The following TEK variants were observed in gnomAD, a reference collection of about 807,000 sequenced individuals.
TEK encodes angiopoietin-1 receptor.
Under a neutral mutation model 131.8 loss-of-function variants are expected in TEK, and 43 were observed. The observed-to-expected ratio is 0.33, with a 90% CI of 0.26 to 0.42. The LOEUF (loss-of-function observed/expected upper bound fraction) is 0.42, where lower values mean the gene tolerates loss of function less well. TEK is among the 10% of genes least tolerant of loss of function. TEK has a pLI of 1.00. For missense variants in TEK, 1,162 were observed against 1,384.4 expected, an observed-to-expected ratio of 0.84 and a Z score of 2.55; for synonymous variants, 580 against 491.6, an observed-to-expected ratio of 1.18 and a Z score of -2.38.
chr9:27,183,033 G>T (rs1824449217), intron 7 of TEK, among the ~76,000 whole-genome samples: 1 of 152,222 alleles, frequency 6.6e-6, no homozygotes, highest in South Asian at 2.1e-4. Context: ...ATACCATGGG[G>T]TTATTTGATG....
intron 10 of TEK, 32 bp downstream of exon 10, chr9:27,190,722 G>C: frequency 1.9e-6 from 3 of 1,612,926 alleles, no homozygotes; most frequent in Non-Finnish European, 2.5e-6. Context: ...TGCCAGCTGG[G>C]GATGTGGCAC....
chr9:27,126,075 A>G (rs1017272290), intron 1 of TEK, among the ~76,000 whole-genome samples: 3 of 152,210 alleles, frequency 2.0e-5, no homozygotes, highest in Admixed American at 2.0e-4. Flanking sequence ...ACACGAGGTT[A>G]GGGTCACTGC....
intron 21 of TEK, among the ~76,000 whole-genome samples, chr9:27,226,093 G>A (rs1254724661): frequency 6.6e-6 from 1 of 152,240 alleles, no homozygotes; most frequent in Non-Finnish European, 1.5e-5. Flanking sequence ...AGATGCTGGA[G>A]AGGATGTGGA....
At chr9:27,117,282 G>A (rs1033911929) in intron 1 of TEK, among the ~76,000 whole-genome samples, 1 of 152,212 alleles carries the variant, frequency 6.6e-6, no homozygotes, top group African/African-American at 2.4e-5. Flanking sequence ...TGCACCGGCA[G>A]CATCACCAAA....
intron 1 of TEK, among the ~76,000 whole-genome samples, chr9:27,156,682 CT>C (rs1823344215): frequency 1.3e-5 from 2 of 152,084 alleles, no homozygotes; most frequent in Admixed American, 1.3e-4. Flanking sequence ...GCCTTCATTT[CT>C]TCATATTTAA....
At chr9:27,169,380 G>A in intron 3 of TEK, 97 bp from the exon 4 acceptor site, 1 of 1,527,608 alleles carries the variant, frequency 6.5e-7, no homozygotes, top group Non-Finnish European at 9.0e-7. Flanking sequence ...ACATTTTCTT[G>A]ACCATGTCAG....
Position 27,118,676 on chromosome 9 carries a change from G to A in TEK, c.52+9034G>A, listed in dbSNP as rs56191848. On this transcript the variant is annotated intron_variant, in intron 1 of 22. Transcript: ENST00000380036. ...AAAATGGCGGCCATCCATTATTTTG[G>A]ATGCCTAACATTTCAAACTTTCAAG... Among the ~76,000 whole-genome samples the A allele has an allele frequency of 8.8e-3, 1,334 of 152,206 alleles. 25 individuals are homozygous for A. The highest frequency in any genetic ancestry group is 0.03 in the African/African-American group (1,262 of 41,532).
At chr9:27,194,769 GTTC>G (rs1564089553) in intron 11 of TEK, among the ~76,000 whole-genome samples, 1 of 152,098 alleles carries the variant, frequency 6.6e-6, no homozygotes, top group Non-Finnish European at 1.5e-5. Context: ...ATTATTGAAG[GTTC>G]TTCTTTTCCC....
intron 19 of TEK, among the ~76,000 whole-genome samples, chr9:27,218,079 T>C (rs1010136443): frequency 7.7e-5 from 11 of 142,944 alleles, no homozygotes. Context: ...CAGACCTAGA[T>C]CAGAGGAAGC....
At chr9:27,125,483 T>C (rs925481943) in intron 1 of TEK, among the ~76,000 whole-genome samples, 2 of 152,182 alleles carry the variant, frequency 1.3e-5, no homozygotes, top group Non-Finnish European at 2.9e-5. Flanking sequence ...TAGAGATCTT[T>C]CTAATGAAAC....
chr9:27,129,975 G>A (rs1029697279), intron 1 of TEK, among the ~76,000 whole-genome samples: 5 of 152,064 alleles, frequency 3.3e-5, no homozygotes, highest in African/African-American at 9.7e-5. Flanking sequence ...TTCATAATTC[G>A]TATCACATAA....
At chr9:27,220,534 G>C (rs1259579663) in intron 21 of TEK, among the ~76,000 whole-genome samples, 1 of 152,184 alleles carries the variant, frequency 6.6e-6, no homozygotes, top group African/African-American at 2.4e-5. Context: ...AATAGGAACA[G>C]CTCCAGTGTG....
intron 1 of TEK, among the ~76,000 whole-genome samples, chr9:27,133,974 T>G (rs1413813887): frequency 6.6e-6 from 1 of 152,188 alleles, no homozygotes; most frequent in African/African-American, 2.4e-5. Flanking sequence ...GCCAAGCCAA[T>G]AGTCGTTAGA....
At position 27,148,934 on chromosome 9, in the gene TEK, A is replaced by G. The variant is rs74723863; in HGVS notation, c.53-8897A>G. On this transcript the variant is annotated intron_variant, in intron 1 of 22. Coordinates refer to ENST00000380036, the MANE Select transcript of TEK (RefSeq NM_000459.5). Reference sequence around the variant, plus strand: ...ATAGAAGGTTTTGGCTTTTTCTGTGATAAAATCTATCAGTGTTTTTTCTTC... The same window carrying G: ...ATAGAAGGTTTTGGCTTTTTCTGTGGTAAAATCTATCAGTGTTTTTTCTTC... 9.3e-3 allele frequency among the ~76,000 whole-genome samples: 1,412 copies of G among 152,298 alleles called. 10 individuals are homozygous for G. Among genetic ancestry groups the G allele is most frequent in the Non-Finnish European group, 0.016 (1,086 of 68,026 alleles).
chr9:27,183,689 C>G lies in TEK; in HGVS notation c.1182+79C>G, dbSNP rs1824485895. 3.3e-6 allele frequency: 5 copies of G among 1,535,024 alleles called. No homozygotes were observed. In the South Asian group the frequency reaches 4.5e-5, roughly 14 times the overall value. On this transcript the variant is annotated intron_variant, in intron 8 of 22. Coordinates refer to ENST00000380036, the MANE Select transcript of TEK (RefSeq NM_000459.5). ...TAATCACCCCACTAAATGATAGATA[C>G]CATTCAGTGCTTTTATCCTCCTAGG...
rs372461928 is a variant in TEK, at chr9:27,185,605, A to C, written c.1303A>C (p.Lys435Gln). The change falls in exon 9 of 23, where the codon AAG becomes CAG. Residue 435 changes from lysine (K) to glutamine (Q), a missense_variant. Coordinates refer to ENST00000380036, the MANE Select transcript of TEK (RefSeq NM_000459.5). ...GAACACAGTGGCTGGGATGGTGGAAAAGCCCTTCAACATTTCTGTTAAAGG... is the reference window on the plus strand; with the variant it reads ...GAACACAGTGGCTGGGATGGTGGAACAGCCCTTCAACATTTCTGTTAAAGG... ...SVNTVAGMVEKPFNISVKVLP... is the reference protein window; with the variant it reads ...SVNTVAGMVEQPFNISVKVLP... The C allele has an allele frequency of 3.5e-5, 56 of 1,613,676 alleles. No individual in the cohort carries two copies. Among genetic ancestry groups the C allele is most frequent in the Non-Finnish European group, 4.6e-5 (54 of 1,179,768 alleles).
chr9:27,125,168 T>G (rs1207500098), intron 1 of TEK, among the ~76,000 whole-genome samples: 1 of 152,226 alleles, frequency 6.6e-6, no homozygotes, highest in Non-Finnish European at 1.5e-5. Flanking sequence ...GATGTGGAGC[T>G]GGAGCCAGAA....
At chr9:27,136,439 T>C (rs1822439635) in intron 1 of TEK, among the ~76,000 whole-genome samples, 1 of 152,180 alleles carries the variant, frequency 6.6e-6, no homozygotes, top group Non-Finnish European at 1.5e-5. Context: ...GACTTTACTT[T>C]AATTCACTCA....
rs192178823 is a variant in TEK at position 27,193,406 on chromosome 9, G to T, written c.1624+783G>T. On this transcript the variant is annotated intron_variant, in intron 11 of 22. Transcript: ENST00000380036. ...TAGTAGGTTCCCAAGTGATGCTGCT[G>T]GTCCTGGGTCCACACGTTCTAGATA... is the stretch of plus-strand genomic sequence containing the variant. 2.1e-4 allele frequency among the ~76,000 whole-genome samples: 32 copies of T among 152,174 alleles called. No homozygotes were observed. In the East Asian group the frequency reaches 6.0e-3, roughly 29 times the overall value.
Sources: allele counts gnomAD v4.1 joint callset (sites outside exome capture counted in the v4.1 genomes callset), GRCh38; gene constraint gnomAD v4.1.1; transcripts MANE v1.5; gene names NCBI Gene and HGNC (gene_info 2026-07-23, HGNC 2026-07-21).